The following BRCA1 variants were observed in gnomAD, a reference collection of about 807,000 sequenced individuals.
BRCA1 encodes the protein BRCA1 DNA repair associated.
BRCA1 carries 140 observed loss-of-function variants against 173.7 expected under a neutral mutation model. The observed-to-expected ratio is 0.81, with a 90% confidence interval of 0.70 to 0.93. BRCA1 has a LOEUF of 0.93. BRCA1 is among the 40% of genes least tolerant of loss of function. The pLI is 0.00. For missense variants in BRCA1, 1,983 were observed against 2,172.5 expected (o/e 0.91, Z 1.73); for synonymous variants, 662 against 756.0 (o/e 0.88, Z 2.04).
chr17:43,135,298 G>GC (rs35286533), intron 1 of BRCA1, among the ~76,000 whole-genome samples: 46,007 of 152,106 alleles, frequency 0.3, 7,499 homozygotes, highest in South Asian at 0.49. Context: ...GAGCGCAGCG[G>GC]CCGGCCCAGC....
At chr17:43,116,517 C>G (rs1237025146) in intron 2 of BRCA1, among the ~76,000 whole-genome samples, 1 of 152,118 alleles carries the variant, frequency 6.6e-6, no homozygotes, top group Non-Finnish European at 1.5e-5. Flanking sequence ...CACCCAAACC[C>G]AAGTGTCTTC....
At chr17:43,083,316 C>T (rs1359776305) in intron 11 of BRCA1, among the ~76,000 whole-genome samples, 1 of 151,944 alleles carries the variant, frequency 6.6e-6, no homozygotes, top group Non-Finnish European at 1.5e-5. Flanking sequence ...CCAAGACGCC[C>T]GGCTAATTTT....
At position 43,123,561 on chromosome 17, in the gene BRCA1, G is replaced by A. The variant is rs568088681; in HGVS notation, c.80+456C>T. ...GAGGGGGTTTCACCATGTTGGCCAG[G>A]ATGGTCTCGATCTCCTGACCTCGTG... On this transcript the variant is annotated intron_variant, in intron 2 of 22. Transcript: ENST00000357654. Among the ~76,000 whole-genome samples the A allele has an allele frequency of 2.6e-5, 4 of 152,192 alleles. No individual in the cohort carries two copies. The South Asian group carries it at 8.3e-4, about 32-fold the overall frequency.
chr17:43,126,942 C>T (rs2055896223), upstream of BRCA1, among the ~76,000 whole-genome samples: 1 of 152,160 alleles, frequency 6.6e-6, no homozygotes, highest in Non-Finnish European at 1.5e-5. Context: ...CGGCCCCGGG[C>T]AGTCAGGGGC....
At chr17:43,135,207 C>G in intron 1 of BRCA1, among the ~76,000 whole-genome samples, 1 of 152,358 alleles carries the variant, frequency 6.6e-6, no homozygotes, top group East Asian at 1.9e-4. Flanking sequence ...AGAAGGCCTT[C>G]TCTGGTGCAG....
rs746816191 is a variant in BRCA1 at position 43,139,939 on chromosome 17, G to A, written c.-19-15824C>T. On this transcript the variant is annotated intron_variant, in intron 1 of 7. Coordinates refer to the BRCA1 transcript ENST00000634433. ...TCCTTCACCTTGGTTCCTGACACAA[G>A]GATTCCTAAATCCCTTGGAATTTTC... 8.1e-6 allele frequency: 4 copies of A among 493,310 alleles called. No homozygotes were observed. The East Asian group carries it at 2.3e-4, about 29-fold the overall frequency. 30.6% of individuals were successfully genotyped at this position (493,310 alleles called of 1,614,324 possible).
At chr17:43,138,510 GCCTCGGACAC>G in intron 1 of BRCA1, 3 of 640,402 alleles carry the variant, frequency 4.7e-6, no homozygotes. Context: ...CTTTTGCAAA[GCCTCGGACAC>G]CCAAACACCT....
chr17:43,135,896 C>A (rs9905352), intron 1 of BRCA1, among the ~76,000 whole-genome samples: 245 of 152,332 alleles, frequency 1.6e-3, no homozygotes, highest in African/African-American at 5.4e-3. Flanking sequence ...AGGCGCCCGG[C>A]CTCTCACACC....
intron 10 of BRCA1, 82 bp from the exon 11 acceptor site, chr17:43,091,114 C>A (rs754726354): frequency 7.9e-7 from 1 of 1,273,350 alleles, no homozygotes; most frequent in African/African-American, 1.5e-5. Context: ...TTCTCATTGG[C>A]AGGACTGGAT....
At chr17:43,118,407 C>T (rs2055393905) in intron 2 of BRCA1, among the ~76,000 whole-genome samples, 1 of 151,356 alleles carries the variant, frequency 6.6e-6, no homozygotes, top group South Asian at 2.1e-4. Flanking sequence ...GACAGAGTCT[C>T]GTTCTGTCGC....
At chr17:43,091,279 C>T (rs1183985102) in intron 10 of BRCA1, 156 bp downstream of exon 10, 28 of 1,061,682 alleles carry the variant, frequency 2.6e-5, no homozygotes, top group Non-Finnish European at 3.6e-5. Context: ...GGACTTTTTT[C>T]TATGAAAAGC....
At chr17:43,046,433 T>C (rs1334004727) in intron 22 of BRCA1, among the ~76,000 whole-genome samples, 1 of 151,240 alleles carries the variant, frequency 6.6e-6, no homozygotes, top group African/African-American at 2.4e-5. Flanking sequence ...AGTCTCACTC[T>C]GTCACTCAGG....
chr17:43,071,320 G>A (rs945631869), intron 14 of BRCA1, 82 bp from the exon 15 acceptor site: 5 of 1,497,708 alleles, frequency 3.3e-6, no homozygotes, highest in Non-Finnish European at 4.6e-6. Context: ...GAATTAAAAA[G>A]ACCAATAAAG....
upstream of BRCA1, among the ~76,000 whole-genome samples, chr17:43,128,023 CAAAAAAA>C (rs61243891): frequency 9.6e-4 from 24 of 24,992 alleles, 1 homozygote; most frequent in Admixed American, 2.5e-3. Flanking sequence ...GACTCCATCT[CAAAAAAA>C]AAAAAAAAAA....
At chr17:43,168,387 C>T (rs1456265671) in intron 1 of BRCA1, 2 of 288,988 alleles carry the variant, frequency 6.9e-6, no homozygotes, top group Admixed American at 9.8e-5. Context: ...CCTGTAATCA[C>T]AGCACTTAGG....
intron 2 of BRCA1, chr17:43,119,233 A>G (rs984016612): frequency 7.6e-5 from 16 of 210,910 alleles, no homozygotes; most frequent in Non-Finnish European, 1.3e-4. Context: ...TTGGGAGGCC[A>G]AGGCGGGCCA....
At chr17:43,152,770 G>T (rs1334767644) in intron 1 of BRCA1, among the ~76,000 whole-genome samples, 2 of 152,124 alleles carry the variant, frequency 1.3e-5, no homozygotes, top group African/African-American at 4.8e-5. Context: ...CAGGACAATG[G>T]CGTGAACCTG....
intron 1 of BRCA1, among the ~76,000 whole-genome samples, chr17:43,143,736 G>T (rs11869048): frequency 6.6e-6 from 1 of 152,122 alleles, no homozygotes; most frequent in South Asian, 2.1e-4. Context: ...AAGTGCATCA[G>T]CGGGGGATGG....
At chr17:43,143,030 GTGTGTATATATATGTATATA>G (rs1567830774) in intron 1 of BRCA1, among the ~76,000 whole-genome samples, 2 of 149,366 alleles carry the variant, frequency 1.3e-5, no homozygotes, top group African/African-American at 2.5e-5. Context: ...ATGTATATAT[GTGTGTATATATATGTATATA>G]TGTGTATATA....
Sources: gnomAD v4.1 joint callset for allele counts (sites outside exome capture counted in the v4.1 genomes callset) on GRCh38, gnomAD v4.1.1 for gene constraint, MANE v1.5 for transcripts, NCBI Gene and HGNC (gene_info 2026-07-23, HGNC 2026-07-21) for gene names.